AGAP1: variants seen among roughly 807,000 people sequenced by gnomAD.
AGAP1 encodes the protein arf-GAP with GTPase, ANK repeat and PH domain-containing protein 1.
AGAP1 carries 29 observed loss-of-function variants against 105.3 expected under a neutral mutation model. The ratio of observed to expected loss-of-function variants is 0.28; its 90% confidence interval spans 0.21 to 0.38. AGAP1 has a LOEUF of 0.38. AGAP1 is among the 10% of genes least tolerant of loss of function. The pLI is 1.00. For missense variants in AGAP1, 998 were observed against 1,165.1 expected (o/e 0.86, Z 2.09); for synonymous variants, 509 against 485.9 (o/e 1.05, Z -0.63).
At chr2:235,572,716 C>A (rs1944569977) in intron 1 of AGAP1, among the ~76,000 whole-genome samples, 2 of 152,254 alleles carry the variant, frequency 1.3e-5, no homozygotes, top group Admixed American at 1.3e-4. Flanking sequence ...AATGCCACAG[C>A]AGCTGCCCTT....
In AGAP1 at chr2:235,569,996, G is replaced by A. The variant is rs544135014; in HGVS notation, c.163+75147G>A. Among the ~76,000 whole-genome samples, 23 of 152,304 alleles carry A rather than the reference G, an allele frequency of 1.5e-4. No individual in the cohort carries two copies. The highest frequency in any genetic ancestry group is 4.6e-4 in the African/African-American group (19 of 41,564). ...GCCCGGGATCCAAATTATTTGCAGC[G>A]CCTGTCGTCTTTGTTAACTCTTCTC... On this transcript the variant is annotated intron_variant, in intron 1 of 17. Transcript: ENST00000304032. The surrounding 1 kb of genome is among the most constrained non-coding windows in gnomAD (Gnocchi z 5.9).
intron 13 of AGAP1, among the ~76,000 whole-genome samples, chr2:236,004,076 A>G (rs77853481): frequency 0.018 from 2,705 of 152,234 alleles, 91 homozygotes; most frequent in African/African-American, 0.062. Context: ...TATTTAGCAC[A>G]GTGTATTCTG....
intron 9 of AGAP1, among the ~76,000 whole-genome samples, chr2:235,868,609 C>T (rs1158025645): frequency 6.6e-6 from 1 of 152,214 alleles, no homozygotes; most frequent in Admixed American, 6.5e-5. Context: ...AAAACAAAGA[C>T]TGATTTGCCT....
intron 8 of AGAP1, among the ~76,000 whole-genome samples, chr2:235,800,049 C>T (rs1049266561): frequency 6.6e-6 from 1 of 151,180 alleles, no homozygotes; most frequent in Non-Finnish European, 1.5e-5. Flanking sequence ...GATGAGCTAT[C>T]TGGGTTCAGG....
rs1439750444 is a variant in AGAP1 at position 235,891,235 on chromosome 2, A to G, written c.1155+7786A>G. 6.6e-6 allele frequency among the ~76,000 whole-genome samples: 1 copy of G among 152,146 alleles called. No homozygotes were observed. The highest frequency in any genetic ancestry group is 1.5e-5 in the Non-Finnish European group (1 of 68,020). On this transcript the variant is annotated intron_variant, in intron 10 of 17. Transcript: ENST00000304032. The surrounding 1 kb of genome is among the most constrained non-coding windows in gnomAD (Gnocchi z 4.2). ...TCTCCACTTCGCATTTTGCAATGAT[A>G]ACCCTAAACATTTAAATAAGACTGA...
chr2:236,111,805 A>G (rs2059652621), intron 16 of AGAP1, among the ~76,000 whole-genome samples: 1 of 146,926 alleles, frequency 6.8e-6, no homozygotes. Flanking sequence ...AAAAAAAAAA[A>G]AAGAAAGGGT....
rs1177148263 is a variant in AGAP1 at position 236,055,349 on chromosome 2, A to G, written c.2114+6068A>G. 6.6e-6 allele frequency among the ~76,000 whole-genome samples: 1 copy of G among 152,102 alleles called. No individual in the cohort carries two copies. The highest frequency in any genetic ancestry group is 2.4e-5 in the African/African-American group (1 of 41,420). ...GTGTGGCTTTATGTGCCTTGTTTTC[A>G]TGTGTTTCTTTCAGTGCTCTCAGGG... On this transcript the variant is annotated intron_variant, in intron 16 of 17. Coordinates refer to ENST00000304032, the MANE Select transcript of AGAP1 (RefSeq NM_001037131.3). This position sits in a 1 kb window ranked among gnomAD's most constrained non-coding sequence, Gnocchi z 6.2.
rs1313954431 is a variant in AGAP1, at chr2:236,093,148, C to T, written c.2115-27044C>T. Among the ~76,000 whole-genome samples, 3 of 152,328 alleles carry T rather than the reference C, an allele frequency of 2.0e-5. No individual in the cohort carries two copies. The South Asian group carries it at 6.2e-4, about 32-fold the overall frequency. On this transcript the variant is annotated intron_variant, in intron 16 of 17. Transcript: ENST00000304032. Reference sequence around the variant, plus strand: ...AAAATCTCTATCCCGCAACCAAAAACGTGATATTTTAATTGGTTCAGTCAA... The same window carrying T: ...AAAATCTCTATCCCGCAACCAAAAATGTGATATTTTAATTGGTTCAGTCAA...
chr2:235,564,964 G>T (rs1032721385), intron 1 of AGAP1, among the ~76,000 whole-genome samples: 2 of 151,278 alleles, frequency 1.3e-5, no homozygotes, highest in Non-Finnish European at 2.9e-5. Flanking sequence ...ACCACCCATG[G>T]CCAGGTGTGA....
rs972373724 is a variant in AGAP1, at chr2:235,556,446, C to T, written c.163+61597C>T. On this transcript the variant is annotated intron_variant, in intron 1 of 17. Transcript: ENST00000304032. This position sits in a 1 kb window ranked among gnomAD's most constrained non-coding sequence, Gnocchi z 5.3. ...CCACACCTAGGTCTTCAGGATGGGACAAGGCAGTCTTGGGGGACTTTGGGG... is the reference window on the plus strand; with the variant it reads ...CCACACCTAGGTCTTCAGGATGGGATAAGGCAGTCTTGGGGGACTTTGGGG... 1.6e-4 allele frequency among the ~76,000 whole-genome samples: 24 copies of T among 152,234 alleles called. No homozygotes were observed. The highest frequency in any genetic ancestry group is 3.2e-3 in the Middle Eastern group (1 of 316).
chr2:235,620,640 C>G lies in AGAP1; in HGVS notation c.164-88539C>G, dbSNP rs1946447327. Among the ~76,000 whole-genome samples, 1 of 152,190 alleles carries G rather than the reference C, an allele frequency of 6.6e-6. No individual in the cohort carries two copies. The highest frequency in any genetic ancestry group is 2.4e-5 in the African/African-American group (1 of 41,450). On this transcript the variant is annotated intron_variant, in intron 1 of 17. Coordinates refer to ENST00000304032, the MANE Select transcript of AGAP1 (RefSeq NM_001037131.3). The surrounding 1 kb of genome is among the most constrained non-coding windows in gnomAD (Gnocchi z 4.5). ...CCCCTCCTCCTCACCTCCTCACCTGCTTCCTATTTCCCCATAAACCCCAGC... is the reference window on the plus strand; with the variant it reads ...CCCCTCCTCCTCACCTCCTCACCTGGTTCCTATTTCCCCATAAACCCCAGC...
chr2:236,100,162 C>T (rs1409759919), intron 16 of AGAP1, among the ~76,000 whole-genome samples: 1 of 152,158 alleles, frequency 6.6e-6, no homozygotes, highest in East Asian at 1.9e-4. Context: ...GACTAGGAGA[C>T]CCCTGAGGCC....
chr2:236,075,163 T>C (rs1371243547), intron 16 of AGAP1, among the ~76,000 whole-genome samples: 1 of 152,134 alleles, frequency 6.6e-6, no homozygotes, highest in East Asian at 1.9e-4. Context: ...TGCGTCGGTG[T>C]GGAAAGGAAA....
At chr2:235,791,956 A>G (rs949487593) in intron 6 of AGAP1, among the ~76,000 whole-genome samples, 1 of 152,214 alleles carries the variant, frequency 6.6e-6, no homozygotes, top group African/African-American at 2.4e-5. Context: ...TGCTTTTAAA[A>G]TATTTTCGTG....
At chr2:236,069,685 A>C (rs1182670632) in intron 16 of AGAP1, among the ~76,000 whole-genome samples, 1 of 152,138 alleles carries the variant, frequency 6.6e-6, no homozygotes, top group Non-Finnish European at 1.5e-5. Context: ...CAGCCTCCCA[A>C]AGTGCTGGGA....
intron 9 of AGAP1, among the ~76,000 whole-genome samples, chr2:235,807,811 G>A (rs1264469760): frequency 6.6e-6 from 1 of 152,150 alleles, no homozygotes; most frequent in Admixed American, 6.5e-5. Context: ...TCAGCTGTGC[G>A]CTCTTGTTTG....
chr2:235,585,416 T>C (rs1945074836), intron 1 of AGAP1, among the ~76,000 whole-genome samples: 1 of 152,146 alleles, frequency 6.6e-6, no homozygotes, highest in South Asian at 2.1e-4. Flanking sequence ...ACCTGTGTAA[T>C]CCAGAATCCT....
Position 235,799,573 on chromosome 2 carries a change from A to T in AGAP1, c.957+51A>T. 1.9e-6 allele frequency: 3 copies of T among 1,592,730 alleles called. No individual in the cohort carries two copies. The highest frequency in any genetic ancestry group is 2.6e-6 in the Non-Finnish European group (3 of 1,164,148). On this transcript the variant is annotated intron_variant, in intron 8 of 17. Transcript: ENST00000304032. The surrounding 1 kb of genome is among the most constrained non-coding windows in gnomAD (Gnocchi z 5.0). ...TTGAATGCGATTCCGAAGCGTTCCC[A>T]TTAACGTAAACCTGGTTGCCACATG...
Position 235,842,749 on chromosome 2 carries a change from A to G in AGAP1, c.1050+35418A>G, listed in dbSNP as rs1360316904. ...TTTTGTTTTGTTTTGTTTTTTTGAG[A>G]TGGAGTCTCACTCTGTCACCCAGGC... On this transcript the variant is annotated intron_variant, in intron 9 of 17. Transcript: ENST00000304032. The surrounding 1 kb of genome is among the most constrained non-coding windows in gnomAD (Gnocchi z 5.3). Among the ~76,000 whole-genome samples, 1 of 151,672 alleles carries G rather than the reference A, an allele frequency of 6.6e-6. No homozygotes were observed. Among genetic ancestry groups the G allele is most frequent in the African/African-American group, 2.4e-5 (1 of 41,226 alleles).
Sources: allele counts gnomAD v4.1 joint callset (sites outside exome capture counted in the v4.1 genomes callset), GRCh38; gene constraint gnomAD v4.1.1; non-coding constraint Gnocchi (gnomAD v3.1); transcripts MANE v1.5; gene names NCBI Gene and HGNC (gene_info 2026-07-23, HGNC 2026-07-21).